Variants in TET1 observed in about 807,000 individuals in gnomAD.
The protein encoded by TET1 is tet methylcytosine dioxygenase 1, also known as methylcytosine dioxygenase TET1.
Under a neutral mutation model 148.7 loss-of-function variants are expected in TET1, and 13 were observed. The ratio of observed to expected loss-of-function variants is 0.09; its 90% CI spans 0.06 to 0.14. The LOEUF (loss-of-function observed/expected upper bound fraction) is 0.14, where lower values mean the gene tolerates loss of function less well. TET1 is among the 10% of genes least tolerant of loss of function. TET1 has a pLI of 1.00. For synonymous variants in TET1, 907 were observed against 937.2 expected (o/e 0.97, Z 0.59); for missense variants, 2,182 against 2,553.8 (o/e 0.85, Z 3.14).
At chr10:68,608,754 G>A (rs924090073) in intron 3 of TET1, among the ~76,000 whole-genome samples, 6 of 151,874 alleles carry the variant, frequency 4.0e-5, no homozygotes, top group South Asian at 2.1e-4. Flanking sequence ...CAGGCTGGCC[G>A]CCAACTCCTG....
In TET1 at chr10:68,573,704, G is replaced by A. The variant is rs765813789; in HGVS notation, c.1366G>A (p.Val456Ile). Residue 456 changes from valine to isoleucine, a missense_variant, in exon 2 of 12, where the codon GTC becomes ATC. This residue lies in a region of TET1 where 665 missense variants were observed against 672.4 expected (regional missense o/e 0.99). Coordinates refer to ENST00000373644, the MANE Select transcript of TET1 (RefSeq NM_030625.3). Reference sequence around the variant, plus strand: ...CAAATGGCCTGAGCCCCAAAGCACTGTCTCATATGGACTTGCAGTCCAGGG... The same window carrying A: ...CAAATGGCCTGAGCCCCAAAGCACTATCTCATATGGACTTGCAGTCCAGGG... Reference protein sequence around the residue: ...PSKWPEPQSTVSYGLAVQGAI... With the variant: ...PSKWPEPQSTISYGLAVQGAI... 1.2e-6 allele frequency: 2 copies of A among 1,614,064 alleles called. No individual in the cohort carries two copies. Among genetic ancestry groups the A allele is most frequent in the South Asian group, 2.2e-5 (2 of 91,084 alleles).
Position 68,691,505 on chromosome 10 carries a change from G to A in TET1, c.6102G>A (p.Glu2034=), listed in dbSNP as rs551446004. The A allele has an allele frequency of 1.2e-6, 2 of 1,613,816 alleles. No homozygotes were observed. The highest frequency in any genetic ancestry group is 2.2e-5 in the South Asian group (2 of 91,052). The part of the protein sequence containing the change: ...RRELHATTPV[E]HPNRNHPTRL... ...AGCTGCACGCTACCACTCCTGTTGA[G>A]CACCCCAACCGTAATCATCCAACCC... The change falls in exon 12 of 12, where the codon GAG becomes GAA. Residue 2034 remains glutamate, a synonymous_variant. Transcript: ENST00000373644. The surrounding 1 kb of genome is among the most constrained non-coding windows in gnomAD (Gnocchi z 4.4).
chr10:68,615,772 G>C (rs189156685), intron 3 of TET1, among the ~76,000 whole-genome samples: 2 of 152,162 alleles, frequency 1.3e-5, no homozygotes. Flanking sequence ...CTCCCAAGTA[G>C]CTGGGATTAC....
chr10:68,688,250 A>G (rs1359713725), intron 11 of TET1, among the ~76,000 whole-genome samples: 1 of 151,786 alleles, frequency 6.6e-6, no homozygotes, highest in Non-Finnish European at 1.5e-5. Context: ...GGTGCCCGCC[A>G]CCACGCCCAG....
intron 3 of TET1, among the ~76,000 whole-genome samples, chr10:68,619,273 C>T (rs1247079684): frequency 1.3e-5 from 2 of 152,168 alleles, no homozygotes; most frequent in Non-Finnish European, 2.9e-5. Context: ...ATCACCCAGG[C>T]TGGTGTGCAG....
intron 3 of TET1, among the ~76,000 whole-genome samples, chr10:68,634,692 A>T (rs937849769): frequency 1.3e-5 from 2 of 152,192 alleles, no homozygotes; most frequent in African/African-American, 4.8e-5. Context: ...CCTATGAAGT[A>T]CTGTTCATAA....
At chr10:68,595,983 T>TATAC (rs1300822597) in intron 2 of TET1, among the ~76,000 whole-genome samples, 8 of 50,426 alleles carry the variant, frequency 1.6e-4, no homozygotes, top group Admixed American at 3.3e-4. Context: ...CACACATATA[T>TATAC]ACACACACAC....
At chr10:68,581,088 T>C (rs1195538942) in intron 2 of TET1, among the ~76,000 whole-genome samples, 1 of 152,190 alleles carries the variant, frequency 6.6e-6, no homozygotes, top group African/African-American at 2.4e-5. Context: ...TGTTGACTGC[T>C]AACTCCTCGG....
intron 10 of TET1, 125 bp downstream of exon 10, chr10:68,683,098 T>C (rs2055458134): frequency 1.7e-6 from 2 of 1,171,326 alleles, no homozygotes; most frequent in Non-Finnish European, 2.3e-6. Context: ...TAGAAATAAG[T>C]GGAAAATAAA....
intron 3 of TET1, among the ~76,000 whole-genome samples, chr10:68,610,769 C>T (rs1032375614): frequency 6.6e-6 from 1 of 151,540 alleles, no homozygotes; most frequent in African/African-American, 2.4e-5. Context: ...TGATCTTTTA[C>T]TTCAGCCTCC....
At position 68,692,643 on chromosome 10, in the gene TET1, T is replaced by C; in HGVS notation, c.*829T>C. 1 of 232,074 alleles carries C rather than the reference T, an allele frequency of 4.3e-6. No homozygotes were observed. Among genetic ancestry groups the C allele is most frequent in the Non-Finnish European group, 8.5e-6 (1 of 117,164 alleles). 14.4% of individuals were successfully genotyped at this position (232,074 alleles called of 1,614,324 possible). A position where few individuals can be genotyped will look rare whatever the true frequency, so the allele number is the denominator to read the frequency against. ...ATTCAAGTATTAGCAACTTGCAGTA[T>C]ATAAAATAGTTAGATAATGAGAAGT... On this transcript the variant is annotated 3_prime_UTR_variant, in exon 12 of 12. Transcript: ENST00000373644.
chr10:68,574,581 G>A (rs950286357), intron 2 of TET1, among the ~76,000 whole-genome samples: 2 of 152,136 alleles, frequency 1.3e-5, no homozygotes, highest in Non-Finnish European at 2.9e-5. Context: ...TTTCCCCTAT[G>A]CCTCTTTTGG....
intron 3 of TET1, among the ~76,000 whole-genome samples, chr10:68,606,460 A>G (rs746079998): frequency 3.9e-5 from 6 of 152,246 alleles, no homozygotes; most frequent in Non-Finnish European, 8.8e-5. Flanking sequence ...TTCAGTTAGT[A>G]AAATAAATCA....
chr10:68,616,639 G>C (rs113308843), intron 3 of TET1, among the ~76,000 whole-genome samples: 1 of 151,854 alleles, frequency 6.6e-6, no homozygotes, highest in Non-Finnish European at 1.5e-5. Context: ...GGGCTCACAC[G>C]ATCCTCTCGA....
chr10:68,689,233 G>A (rs1297111475), intron 11 of TET1, among the ~76,000 whole-genome samples: 1 of 152,138 alleles, frequency 6.6e-6, no homozygotes, highest in Non-Finnish European at 1.5e-5. Flanking sequence ...AGAAATGAGA[G>A]CTCTCAAGGC....
chr10:68,641,729 C>T (rs773367859), intron 3 of TET1, among the ~76,000 whole-genome samples: 3 of 152,072 alleles, frequency 2.0e-5, no homozygotes, highest in Non-Finnish European at 4.4e-5. Context: ...TCTCGATCTC[C>T]TGACCTCGTG....
chr10:68,594,724 C>T (rs921491398), intron 2 of TET1, among the ~76,000 whole-genome samples: 1 of 152,032 alleles, frequency 6.6e-6, no homozygotes, highest in Non-Finnish European at 1.5e-5. Context: ...CATGTCTGTA[C>T]TCCCTGCACT....
Position 68,622,169 on chromosome 10 carries a change from CCTTCCTT to C in TET1, c.1968+21137_1968+21143del, listed in dbSNP as rs2054381377. Among the ~76,000 whole-genome samples the C allele has an allele frequency of 3.3e-4, 8 of 24,404 alleles. 1 individual carries two copies. The South Asian group carries it at 0.013, about 41-fold the overall frequency. The allele number at this position is 24,404 out of a possible 152,430, so 16.0% of individuals were successfully genotyped here. ...TTCCATATAGGATACCTATGCCCTT[CCTTCCTT>C]CCTTCCTTCCTTCCTTCCTTCCTTC... On this transcript the variant is annotated intron_variant, in intron 3 of 11. Transcript: ENST00000373644.
At chr10:68,637,847 T>C (rs190463529) in intron 3 of TET1, among the ~76,000 whole-genome samples, 8 of 150,608 alleles carry the variant, frequency 5.3e-5, no homozygotes, top group South Asian at 2.1e-4. Flanking sequence ...CCAGCATGGG[T>C]GACAGAGTGA....
Sources: gnomAD v4.1 joint callset for allele counts (sites outside exome capture counted in the v4.1 genomes callset) on GRCh38, gnomAD v4.1.1 for gene constraint, gnomAD v4.1.1 regional missense constraint, Gnocchi (gnomAD v3.1) non-coding constraint, MANE v1.5 for transcripts, NCBI Gene and HGNC (gene_info 2026-07-23, HGNC 2026-07-21) for gene names.